UBE2R2: variants seen among roughly 807,000 people sequenced by gnomAD.
The protein encoded by UBE2R2 is ubiquitin conjugating enzyme E2 R2, also known as ubiquitin-conjugating enzyme E2 R2.
UBE2R2 carries 1 observed loss-of-function variant against 27.8 expected under a neutral mutation model. The ratio of observed to expected loss-of-function variants is 0.04; its 90% CI spans 0.01 to 0.17. The LOEUF (loss-of-function observed/expected upper bound fraction) is 0.17, where lower values mean the gene tolerates loss of function less well. Among genes scored for constraint, UBE2R2 ranks in the 10% least tolerant of loss-of-function variants. UBE2R2 has a pLI of 1.00. For synonymous variants in UBE2R2, 106 were observed against 113.3 expected (o/e 0.94, Z 0.41); for missense variants, 100 against 291.0 (o/e 0.34, Z 4.78).
rs562529463 is a variant in UBE2R2 at position 33,910,659 on chromosome 9, A to G, written c.363-1305A>G. On this transcript the variant is annotated intron_variant, in intron 3 of 4. Coordinates refer to ENST00000263228, the MANE Select transcript of UBE2R2 (RefSeq NM_017811.4). Reference sequence around the variant, plus strand: ...GTACATAGTAAATACTTTTGAATAAAGATTTCTATTATTCAGAGACTCTAG... The same window carrying G: ...GTACATAGTAAATACTTTTGAATAAGGATTTCTATTATTCAGAGACTCTAG... 3.7e-4 allele frequency among the ~76,000 whole-genome samples: 56 copies of G among 152,310 alleles called. No homozygotes were observed. The Middle Eastern group carries it at 0.01, about 28-fold the overall frequency.
At chr9:33,861,202 C>T (rs367739485) in intron 1 of UBE2R2, among the ~76,000 whole-genome samples, 3 of 149,958 alleles carry the variant, frequency 2.0e-5, no homozygotes, top group East Asian at 4.0e-4. Context: ...CCTCATGATC[C>T]GCCCGCCTCG....
intron 4 of UBE2R2, among the ~76,000 whole-genome samples, chr9:33,914,929 G>A (rs1822604275): frequency 1.3e-5 from 2 of 152,052 alleles, no homozygotes; most frequent in South Asian, 4.1e-4. Flanking sequence ...TTGAGCCCAG[G>A]AGTTTGAGAC....
chr9:33,854,523 T>C (rs989868621), intron 1 of UBE2R2, among the ~76,000 whole-genome samples: 1 of 151,960 alleles, frequency 6.6e-6, no homozygotes, highest in Non-Finnish European at 1.5e-5. Flanking sequence ...GGTTTTACCA[T>C]GTTGGCCAGT....
intron 1 of UBE2R2, among the ~76,000 whole-genome samples, chr9:33,876,851 G>A (rs1477251261): frequency 6.6e-6 from 1 of 152,112 alleles, no homozygotes; most frequent in Non-Finnish European, 1.5e-5. Context: ...GGGAGGCGGA[G>A]CTTGCAGTGA....
At chr9:33,875,420 A>G (rs935073390) in intron 1 of UBE2R2, among the ~76,000 whole-genome samples, 1 of 152,222 alleles carries the variant, frequency 6.6e-6, no homozygotes, top group Non-Finnish European at 1.5e-5. Flanking sequence ...TACAATGATA[A>G]TGATTTAACC....
intron 1 of UBE2R2, among the ~76,000 whole-genome samples, chr9:33,841,703 G>A (rs1820737032): frequency 6.6e-6 from 1 of 151,942 alleles, no homozygotes; most frequent in Non-Finnish European, 1.5e-5. Flanking sequence ...AACCACTTCT[G>A]TATTATAATA....
At chr9:33,843,847 A>G (rs1208576535) in intron 1 of UBE2R2, among the ~76,000 whole-genome samples, 1 of 152,254 alleles carries the variant, frequency 6.6e-6, no homozygotes. Flanking sequence ...AATTCAGACA[A>G]CCTTTGTTTT....
chr9:33,854,733 T>C (rs1207716116), intron 1 of UBE2R2, among the ~76,000 whole-genome samples: 6 of 151,696 alleles, frequency 4.0e-5, no homozygotes, highest in Admixed American at 1.3e-4. Context: ...TTTTTTTTTT[T>C]TCCAAGACAG....
chr9:33,831,650 ATTTAT>A (rs1303421558), intron 1 of UBE2R2, among the ~76,000 whole-genome samples: 1 of 150,686 alleles, frequency 6.6e-6, no homozygotes, highest in Admixed American at 6.6e-5. Flanking sequence ...CTCTTATTTT[ATTTAT>A]TTTATTTTAT....
At chr9:33,908,650 G>A (rs1822417495) in intron 3 of UBE2R2, among the ~76,000 whole-genome samples, 1 of 152,098 alleles carries the variant, frequency 6.6e-6, no homozygotes, top group Non-Finnish European at 1.5e-5. Context: ...GTTAGATATG[G>A]ATGATTTACC....
chr9:33,911,894 TAAA>T, intron 3 of UBE2R2, 67 bp from the exon 4 acceptor site: 1 of 1,448,220 alleles, frequency 6.9e-7, no homozygotes, highest in Non-Finnish European at 9.2e-7. Flanking sequence ...TGTACTATCT[TAAA>T]AAGCAGAATA....
chr9:33,856,199 A>G (rs1039814346), intron 1 of UBE2R2, among the ~76,000 whole-genome samples: 2 of 152,072 alleles, frequency 1.3e-5, no homozygotes, highest in Non-Finnish European at 2.9e-5. Context: ...GCTTTTTTTC[A>G]CCCTTCCCCA....
intron 1 of UBE2R2, chr9:33,818,631 G>T (rs1825894107): frequency 6.6e-6 from 1 of 151,444 alleles, no homozygotes; most frequent in African/African-American, 2.4e-5. Flanking sequence ...GCTTACCTCA[G>T]TCACTGGTTC....
At chr9:33,891,047 G>GTTTGTTTTTTT (rs1554676116) in intron 2 of UBE2R2, among the ~76,000 whole-genome samples, 1 of 126,374 alleles carries the variant, frequency 7.9e-6, no homozygotes, top group Non-Finnish European at 1.7e-5. Flanking sequence ...TTGTTGTTGT[G>GTTTGTTTTTTT]TTTTTTTGTT....
At chr9:33,915,020 C>T (rs895802443) in intron 4 of UBE2R2, among the ~76,000 whole-genome samples, 1 of 151,314 alleles carries the variant, frequency 6.6e-6, no homozygotes, top group Non-Finnish European at 1.5e-5. Flanking sequence ...ATCCCAGCTA[C>T]TTGGGAGTCT....
intron 1 of UBE2R2, among the ~76,000 whole-genome samples, chr9:33,852,382 A>G (rs1820988581): frequency 6.6e-6 from 1 of 152,190 alleles, no homozygotes; most frequent in Non-Finnish European, 1.5e-5. Flanking sequence ...TGCATGATCC[A>G]AATCTGACCT....
At chr9:33,828,197 G>A (rs1005144821) in intron 1 of UBE2R2, among the ~76,000 whole-genome samples, 1 of 150,820 alleles carries the variant, frequency 6.6e-6, no homozygotes, top group African/African-American at 2.4e-5. Context: ...AGCTACTCGG[G>A]AGGCTGAGGC....
chr9:33,819,189 A>C (rs1370615269), intron 1 of UBE2R2, among the ~76,000 whole-genome samples: 1 of 152,184 alleles, frequency 6.6e-6, no homozygotes. Flanking sequence ...TTATCTTGGC[A>C]CAAGTTTTAA....
At position 33,817,689 on chromosome 9, in the gene UBE2R2, T is replaced by TGGTCC; in HGVS notation, c.-66_-62dup. On this transcript the variant is annotated 5_prime_UTR_variant, in exon 1 of 5. Coordinates refer to ENST00000263228, the MANE Select transcript of UBE2R2 (RefSeq NM_017811.4). The stretch of plus-strand genomic sequence containing the variant: ...GGAGGGCGAGCGGAGGGGAGGGGCC[T>TGGTCC]GGTCCGGCCCGGCCGGTGCGTGAGG... 7.8e-7 allele frequency: 1 copy of TGGTCC among 1,275,106 alleles called. No individual in the cohort carries two copies. Among genetic ancestry groups the TGGTCC allele is most frequent in the Non-Finnish European group, 9.9e-7 (1 of 1,010,912 alleles). The allele number at this position is 1,275,106 out of a possible 1,614,324, so 79.0% of individuals were successfully genotyped here. A position where few individuals can be genotyped will look rare whatever the true frequency, so the allele number is the denominator to read the frequency against.
Sources: allele counts gnomAD v4.1 joint callset (sites outside exome capture counted in the v4.1 genomes callset), GRCh38; gene constraint gnomAD v4.1.1; transcripts MANE v1.5; gene names NCBI Gene and HGNC (gene_info 2026-07-23, HGNC 2026-07-21).